KLHL15: variants seen among roughly 807,000 people sequenced by gnomAD.
KLHL15 encodes the protein kelch-like protein 15.
Under a neutral mutation model 29.3 loss-of-function variants are expected in KLHL15, and 1 was observed. The observed-to-expected ratio is 0.03, with a 90% CI of 0.01 to 0.16. KLHL15 has a LOEUF of 0.16. Ranked by LOEUF, KLHL15 falls within the 10% of genes least tolerant of loss-of-function variation. The pLI is 1.00. For missense variants in KLHL15, 215 were observed against 478.5 expected (o/e 0.45, Z 5.14); for synonymous variants, 212 against 184.5 (o/e 1.15, Z -1.21).
intron 3 of KLHL15, among the ~76,000 whole-genome samples, chrX:23,993,900 G>C (rs1397593223): frequency 1.9e-5 from 2 of 108,097 alleles, no homozygotes; most frequent in Non-Finnish European, 3.8e-5. Context: ...ACAAAAAATA[G>C]CTAGGCGTGG....
At chrX:24,013,728 G>A (rs1431305452) in intron 2 of KLHL15, among the ~76,000 whole-genome samples, 1 of 110,061 alleles carries the variant, frequency 9.1e-6, no homozygotes, top group Non-Finnish European at 1.9e-5. Flanking sequence ...TTTAGAATAG[G>A]GCTGGGTGTG....
intron 3 of KLHL15, among the ~76,000 whole-genome samples, chrX:23,996,407 T>A (rs2147099241): frequency 8.9e-6 from 1 of 112,290 alleles, no homozygotes; most frequent in East Asian, 2.8e-4. Context: ...GGCTCACGCC[T>A]GTAATCCCAA....
chrX:24,013,991 G>C (rs1287950095), intron 2 of KLHL15, among the ~76,000 whole-genome samples: 2 of 110,176 alleles, frequency 1.8e-5, no homozygotes, highest in African/African-American at 6.6e-5. Context: ...TGGTCTGCAG[G>C]GAGCAGTGGC....
At chrX:24,018,743 C>G (rs1569270440) in intron 2 of KLHL15, among the ~76,000 whole-genome samples, 1 of 111,343 alleles carries the variant, frequency 9.0e-6, no homozygotes, top group Non-Finnish European at 1.9e-5. Flanking sequence ...GGCTCACATC[C>G]GTGATCCTAG....
At chrX:24,019,391 G>A (rs755269004) in intron 2 of KLHL15, among the ~76,000 whole-genome samples, 1 of 110,680 alleles carries the variant, frequency 9.0e-6, no homozygotes, top group African/African-American at 3.3e-5. Flanking sequence ...GAGTAGCTGG[G>A]ATTACAGGAG....
At chrX:24,001,282 TGAGAAA>T (rs1423324596) in intron 3 of KLHL15, among the ~76,000 whole-genome samples, 1 of 111,686 alleles carries the variant, frequency 9.0e-6, no homozygotes, top group Non-Finnish European at 1.9e-5. Flanking sequence ...TCTTTCCCTC[TGAGAAA>T]GTGAAAAGAT....
chrX:24,008,175 T>C (rs1304948813), intron 2 of KLHL15, among the ~76,000 whole-genome samples: 3 of 112,376 alleles, frequency 2.7e-5, no homozygotes, highest in Non-Finnish European at 5.6e-5. Flanking sequence ...AATCTTTCCA[T>C]ATCAGAGAAA....
At chrX:24,023,528 TTC>T (rs1203579061) in intron 2 of KLHL15, among the ~76,000 whole-genome samples, 2 of 112,231 alleles carry the variant, frequency 1.8e-5, no homozygotes, top group African/African-American at 6.5e-5. Flanking sequence ...CCAAAAATGC[TTC>T]TCTTTTCACT....
chrX:23,988,653 C>G lies in KLHL15; in HGVS notation c.1083G>C (p.Gln361His). 2 of 1,211,697 alleles carry G rather than the reference C, an allele frequency of 1.7e-6. No individual in the cohort carries two copies. The highest frequency in any genetic ancestry group is 2.2e-6 in the Non-Finnish European group (2 of 895,560). ...RYDPRQNSWLQMADMSVPRSE... is the reference protein window; with the variant it reads ...RYDPRQNSWLHMADMSVPRSE... ...AGCGTGGTACAGACATATCTGCCATCTGCAGCCAGGAGTTCTGTCTCGGGT... is the reference window on the plus strand; with the variant it reads ...AGCGTGGTACAGACATATCTGCCATGTGCAGCCAGGAGTTCTGTCTCGGGT... The change falls in exon 4 of 4, where the codon CAG becomes CAC. Residue 361 changes from glutamine (Q) to histidine (H), a missense_variant. Transcript: ENST00000328046.
intron 3 of KLHL15, among the ~76,000 whole-genome samples, chrX:23,995,022 TTG>T: frequency 9.0e-6 from 1 of 111,432 alleles, no homozygotes; most frequent in Middle Eastern, 4.6e-3. Flanking sequence ...TTTACTTTAA[TTG>T]TGTGTGCATG....
In KLHL15 at chrX:24,006,121, C is replaced by T. The variant is rs1020943874; in HGVS notation, c.573G>A (p.Arg191=). The T allele has an allele frequency of 1.1e-5, 13 of 1,209,663 alleles. No homozygotes were observed. In the Middle Eastern group the frequency reaches 6.9e-4, roughly 64 times the overall value. ...MSYLDNDHLS[R]FPEIELYEAV... is the part of the protein sequence containing the mutation. ...CCTCGTACAGCTCTATCTCTGGGAA[C>T]CTGCTCAGATGATCATTATCCAAGT... Residue 191 remains arginine (R), a synonymous_variant, in exon 3 of 4, where the codon AGG becomes AGA. Transcript: ENST00000328046.
intron 2 of KLHL15, among the ~76,000 whole-genome samples, chrX:24,008,497 C>T (rs1430103379): frequency 1.8e-5 from 2 of 112,485 alleles, no homozygotes; most frequent in Non-Finnish European, 3.8e-5. Context: ...ACTCGGCCTT[C>T]CAAAGTGGTG....
At position 24,025,006 on chromosome X, in the gene KLHL15, G is replaced by A. The variant is rs913569664; in HGVS notation, c.-157C>T. Reference sequence around the variant, plus strand: ...AGCAGCCGCTCCCGGCACGAGCCGGGTCGCTCCGGCGGGGCACGAGAGTGC... The same window carrying A: ...AGCAGCCGCTCCCGGCACGAGCCGGATCGCTCCGGCGGGGCACGAGAGTGC... On this transcript the variant is annotated 5_prime_UTR_variant, in exon 2 of 4. Coordinates refer to ENST00000328046, the MANE Select transcript of KLHL15 (RefSeq NM_030624.3). The A allele has an allele frequency of 4.7e-5, 14 of 297,225 alleles. No individual in the cohort carries two copies. Among genetic ancestry groups the A allele is most frequent in the Non-Finnish European group, 8.2e-5 (14 of 169,942 alleles). 24.5% of individuals were successfully genotyped at this position (297,225 alleles called of 1,213,427 possible). A position where few individuals can be genotyped will look rare whatever the true frequency, so the allele number is the denominator to read the frequency against.
intron 3 of KLHL15, among the ~76,000 whole-genome samples, chrX:23,998,520 G>A (rs751912442): frequency 1.8e-5 from 2 of 111,942 alleles, no homozygotes; most frequent in South Asian, 7.4e-4. Context: ...GCGTCCCAAA[G>A]TGCTGGGATT....
intron 1 of KLHL15, among the ~76,000 whole-genome samples, chrX:24,026,284 C>G (rs1418309816): frequency 1.8e-5 from 2 of 112,309 alleles, no homozygotes; most frequent in Non-Finnish European, 3.8e-5. Context: ...AAAGCTGTCT[C>G]TACTTGCGTC....
In KLHL15 at chrX:23,999,594, C is replaced by CA. The variant is rs57473929; in HGVS notation, c.705+6394dup. ...TGGGCGAAAGAGCGAGACTCCGTCT[C>CA]AAAAAAAAAAAAAAAAAGAGAGAAT... On this transcript the variant is annotated intron_variant, in intron 3 of 3. Transcript: ENST00000328046. 1.9e-3 allele frequency among the ~76,000 whole-genome samples: 106 copies of CA among 55,363 alleles called. 2 individuals are homozygous for CA. Among genetic ancestry groups the CA allele is most frequent in the Non-Finnish European group, 2.4e-3 (72 of 29,786 alleles). 48.1% of individuals were successfully genotyped at this position (55,363 alleles called of 115,157 possible). A position where few individuals can be genotyped will look rare whatever the true frequency, so the allele number is the denominator to read the frequency against.
rs773962433 is a variant in KLHL15, at chrX:23,994,820, GA to G, written c.706-5791del. Among the ~76,000 whole-genome samples, 376 of 110,957 alleles carry G rather than the reference GA, an allele frequency of 3.4e-3. 1 individual carries two copies. The highest frequency in any genetic ancestry group is 0.012 in the African/African-American group (352 of 30,572). On this transcript the variant is annotated intron_variant, in intron 3 of 3. Transcript: ENST00000328046. ...TAATTATATATAATTTCAGTGGTCTGAAAAAAAATTTTTTTAATTTACTGAT... is the reference window on the plus strand; with the variant it reads ...TAATTATATATAATTTCAGTGGTCTGAAAAAAATTTTTTTAATTTACTGAT...
At chrX:24,023,286 G>A (rs1041804640) in intron 2 of KLHL15, among the ~76,000 whole-genome samples, 3 of 111,142 alleles carry the variant, frequency 2.7e-5, no homozygotes, top group Non-Finnish European at 3.8e-5. Flanking sequence ...ATAAAGCAAT[G>A]ATTTGTCAAA....
chrX:23,995,004 A>C (rs1333778306), intron 3 of KLHL15, among the ~76,000 whole-genome samples: 1 of 111,153 alleles, frequency 9.0e-6, no homozygotes, highest in Non-Finnish European at 1.9e-5. Flanking sequence ...CATTTCCTCT[A>C]AACATCTTTT....
Sources: gnomAD v4.1 joint callset for allele counts (sites outside exome capture counted in the v4.1 genomes callset) on GRCh38, gnomAD v4.1.1 for gene constraint, MANE v1.5 for transcripts, NCBI Gene and HGNC (gene_info 2026-07-23, HGNC 2026-07-21) for gene names.